The following TTC28 variants were observed in gnomAD, a reference collection of about 807,000 sequenced individuals.
TTC28 encodes tetratricopeptide repeat domain 28.
Under a neutral mutation model 198.0 loss-of-function variants are expected in TTC28, and 61 were observed. The observed-to-expected ratio is 0.31, with a 90% CI of 0.25 to 0.38. The LOEUF is 0.38. Among genes scored for constraint, TTC28 ranks in the 10% least tolerant of loss-of-function variants. The probability of loss-of-function intolerance (pLI) is 1.00; values close to 1 mark genes in which losing one functional copy is unlikely to be tolerated. For missense variants in TTC28, 2,678 were observed against 3,164.0 expected (o/e 0.85, Z 3.69); for synonymous variants, 1,171 against 1,297.8 (o/e 0.90, Z 2.10).
intron 14 of TTC28, among the ~76,000 whole-genome samples, chr22:28,011,125 T>C (rs1037192130): frequency 6.6e-6 from 1 of 152,128 alleles, no homozygotes; most frequent in African/African-American, 2.4e-5. Context: ...TAAAATGACA[T>C]GGTGTTTCCA....
intron 5 of TTC28, among the ~76,000 whole-genome samples, chr22:28,206,395 T>C (rs1926406257): frequency 6.6e-6 from 1 of 152,194 alleles, no homozygotes; most frequent in African/African-American, 2.4e-5. Context: ...TGACGAAATA[T>C]GTCCACTTTC....
chr22:28,587,586 A>G (rs1231750963), intron 2 of TTC28, among the ~76,000 whole-genome samples: 1 of 151,910 alleles, frequency 6.6e-6, no homozygotes, highest in East Asian at 2.0e-4. Flanking sequence ...AGCTGAGACT[A>G]TAGTCGTACA....
intron 2 of TTC28, among the ~76,000 whole-genome samples, chr22:28,584,016 GTTTTTT>G (rs67108156): frequency 7.5e-6 from 1 of 132,996 alleles, no homozygotes; most frequent in African/African-American, 2.8e-5. Flanking sequence ...GTTTTGTTTT[GTTTTTT>G]TTTTTTTTTT....
At chr22:28,093,704 G>C (rs1442332950) in intron 12 of TTC28, among the ~76,000 whole-genome samples, 1 of 152,064 alleles carries the variant, frequency 6.6e-6, no homozygotes. Flanking sequence ...TCTCAAATAG[G>C]CGTTCAGCTA....
Position 28,107,538 on chromosome 22 carries a change from C to T in TTC28, c.2307G>A (p.Lys769=), listed in dbSNP as rs1192730445. Residue 769 remains lysine, a synonymous_variant, in exon 7 of 23, where the codon AAG becomes AAA. Transcript: ENST00000397906. Reference sequence around the variant, plus strand: ...TGTGATAACCCAGGGCCTTGTCATACTTCTGGATCATTCGGTATGCAGTGC... The same window carrying T: ...TGTGATAACCCAGGGCCTTGTCATATTTCTGGATCATTCGGTATGCAGTGC... The part of the protein sequence containing the change: ...ALGTAYRMIQ[K]YDKALGYHTQ... The T allele has an allele frequency of 1.3e-6, 2 of 1,551,886 alleles. No homozygotes were observed. The highest frequency in any genetic ancestry group is 1.7e-6 in the Non-Finnish European group (2 of 1,147,038).
intron 2 of TTC28, among the ~76,000 whole-genome samples, chr22:28,578,125 T>C (rs1286880674): frequency 1.3e-5 from 2 of 152,138 alleles, no homozygotes; most frequent in African/African-American, 4.8e-5. Flanking sequence ...TTTATTGTGA[T>C]CTACTGTATA....
intron 2 of TTC28, among the ~76,000 whole-genome samples, chr22:28,352,469 G>T (rs531304905): frequency 6.6e-6 from 1 of 152,102 alleles, no homozygotes; most frequent in East Asian, 1.9e-4. Context: ...GCTACATTTC[G>T]GAGCTCATGT....
At chr22:28,176,477 G>A (rs1037279602) in intron 5 of TTC28, among the ~76,000 whole-genome samples, 1 of 152,164 alleles carries the variant, frequency 6.6e-6, no homozygotes, top group Admixed American at 6.5e-5. Context: ...AATTAGATGG[G>A]AGGAATAAAT....
At chr22:28,395,561 G>A (rs967275351) in intron 2 of TTC28, among the ~76,000 whole-genome samples, 1 of 150,554 alleles carries the variant, frequency 6.6e-6, no homozygotes, top group East Asian at 1.9e-4. Context: ...AAACCCAGGA[G>A]GCAGAGCTTG....
At chr22:28,616,683 C>T (rs1340326987) in intron 2 of TTC28, among the ~76,000 whole-genome samples, 1 of 152,052 alleles carries the variant, frequency 6.6e-6, no homozygotes, top group Non-Finnish European at 1.5e-5. Flanking sequence ...GAAACCCCGT[C>T]TCTACAAAAA....
chr22:28,100,860 T>A (rs1056428145), intron 9 of TTC28, among the ~76,000 whole-genome samples: 8 of 152,236 alleles, frequency 5.3e-5, no homozygotes, highest in African/African-American at 1.9e-4. Flanking sequence ...TCTAGAAACA[T>A]GAAATTTAAT....
At chr22:28,183,046 A>AT (rs1238972603) in intron 5 of TTC28, among the ~76,000 whole-genome samples, 4 of 148,592 alleles carry the variant, frequency 2.7e-5, no homozygotes, top group Non-Finnish European at 4.5e-5. Context: ...AACCCCTTCA[A>AT]TGTCTTTTTT....
chr22:28,610,033 T>C (rs1471953883), intron 2 of TTC28, among the ~76,000 whole-genome samples: 1 of 152,072 alleles, frequency 6.6e-6, no homozygotes, highest in Non-Finnish European at 1.5e-5. Flanking sequence ...AGACTGCCTC[T>C]CTAGATTCCT....
chr22:28,018,784 C>G (rs754988220), intron 13 of TTC28, among the ~76,000 whole-genome samples: 3 of 152,146 alleles, frequency 2.0e-5, no homozygotes, highest in Non-Finnish European at 2.9e-5. Flanking sequence ...AGCCCTCCGC[C>G]AGAGGTGCGC....
At chr22:28,012,565 G>T (rs1938203850) in intron 14 of TTC28, among the ~76,000 whole-genome samples, 1 of 152,160 alleles carries the variant, frequency 6.6e-6, no homozygotes, top group Admixed American at 6.5e-5. Context: ...AGGCTGGAGT[G>T]CAGTGGTACG....
Position 28,094,074 on chromosome 22 carries a change from AC to A in TTC28, c.3932+5del, listed in dbSNP as rs1482783188. 2 of 1,526,940 alleles carry A rather than the reference AC, an allele frequency of 1.3e-6. No individual in the cohort carries two copies. The highest frequency in any genetic ancestry group is 1.8e-6 in the Non-Finnish European group (2 of 1,139,088). 94.6% of individuals were successfully genotyped at this position (1,526,940 alleles called of 1,614,324 possible). On this transcript the variant is annotated splice_donor_5th_base_variant and intron_variant, in intron 12 of 22. Transcript: ENST00000397906. ...AAAATGGACTTGGGGATGTTTTACT[AC>A]CTACCTTGAGTAGTGAGACTCCACC...
intron 12 of TTC28, among the ~76,000 whole-genome samples, chr22:28,059,686 T>A (rs911506068): frequency 6.6e-6 from 1 of 152,098 alleles, no homozygotes; most frequent in Non-Finnish European, 1.5e-5. Flanking sequence ...TGTTTCTTTT[T>A]AATTTTATCA....
chr22:28,498,127 T>C (rs2048481482), intron 2 of TTC28, among the ~76,000 whole-genome samples: 1 of 150,714 alleles, frequency 6.6e-6, no homozygotes, highest in African/African-American at 2.4e-5. Context: ...AACATTGACC[T>C]GAGCCTTCCG....
intron 2 of TTC28, among the ~76,000 whole-genome samples, chr22:28,507,915 A>C (rs1229805965): frequency 6.6e-6 from 1 of 152,206 alleles, no homozygotes; most frequent in Non-Finnish European, 1.5e-5. Flanking sequence ...GAAGCACTAA[A>C]TATGGAAAGG....
Sources: allele counts gnomAD v4.1 joint callset (sites outside exome capture counted in the v4.1 genomes callset), GRCh38; gene constraint gnomAD v4.1.1; transcripts MANE v1.5; gene names NCBI Gene and HGNC (gene_info 2026-07-23, HGNC 2026-07-21).